SPTBN4: variants seen among roughly 807,000 people sequenced by gnomAD.
The protein encoded by SPTBN4 is spectrin beta chain, non-erythrocytic 4.
In SPTBN4, 96 loss-of-function variants were observed where a neutral mutation model predicts 277.8. The observed-to-expected ratio is 0.35, with a 90% confidence interval of 0.29 to 0.41. The LOEUF (loss-of-function observed/expected upper bound fraction) is 0.41, where lower values mean the gene tolerates loss of function less well. Among genes scored for constraint, SPTBN4 ranks in the 10% least tolerant of loss-of-function variants. The pLI, the probability that SPTBN4 is intolerant of heterozygous loss-of-function variation, is 1.00. For synonymous variants in SPTBN4, 1,481 were observed against 1,580.3 expected (o/e 0.94, Z 1.49); for missense variants, 3,006 against 3,595.7 (o/e 0.84, Z 4.19).
intron 32 of SPTBN4, 65 bp from the exon 33 acceptor site, chr19:40,570,371 C>T: frequency 1.7e-6 from 2 of 1,209,792 alleles, no homozygotes; most frequent in Non-Finnish European, 2.3e-6. Context: ...CCATGACTCC[C>T]CCAAACAGAT....
chr19:40,543,449 C>T (rs894772823), intron 20 of SPTBN4, among the ~76,000 whole-genome samples: 12 of 152,104 alleles, frequency 7.9e-5, no homozygotes, highest in Non-Finnish European at 1.5e-4. Flanking sequence ...CTTCAGGAAG[C>T]TCAGGACCTG....
intron 1 of SPTBN4, among the ~76,000 whole-genome samples, chr19:40,470,781 C>T (rs900909984): frequency 2.0e-5 from 3 of 151,014 alleles, no homozygotes; most frequent in African/African-American, 7.3e-5. Flanking sequence ...TACAGTAGCC[C>T]GAAACCACAC....
At chr19:40,482,695 C>A (rs562983000) in intron 2 of SPTBN4, among the ~76,000 whole-genome samples, 1 of 152,340 alleles carries the variant, frequency 6.6e-6, no homozygotes, top group Non-Finnish European at 1.5e-5. Context: ...GGCGCAGTGG[C>A]TCATGCCTGT....
chr19:40,575,268 C>A, intron 35 of SPTBN4, 143 bp from the exon 36 acceptor site: 1 of 989,712 alleles, frequency 1.0e-6, no homozygotes, highest in Non-Finnish European at 1.5e-6. Context: ...GCACATATTG[C>A]TATGTAACTG....
At chr19:40,565,611 G>A (rs2145950566) in intron 28 of SPTBN4, 50 bp downstream of exon 28, 8 of 1,580,638 alleles carry the variant, frequency 5.1e-6, no homozygotes, top group African/African-American at 1.3e-5. Context: ...ACATTGGGGT[G>A]GAAGCCATTC....
intron 17 of SPTBN4, among the ~76,000 whole-genome samples, chr19:40,525,683 G>T (rs1048060028): frequency 6.6e-6 from 1 of 152,202 alleles, no homozygotes; most frequent in African/African-American, 2.4e-5. Flanking sequence ...TGTACGGAGT[G>T]GGGGTGTGTT....
intron 2 of SPTBN4, among the ~76,000 whole-genome samples, chr19:40,482,246 A>G (rs1024153275): frequency 1.4e-5 from 2 of 145,792 alleles, no homozygotes; most frequent in Non-Finnish European, 3.0e-5. Flanking sequence ...CTGATTTTTA[A>G]TTTTTTATAC....
intron 1 of SPTBN4, among the ~76,000 whole-genome samples, chr19:40,469,411 C>A (rs750818065): frequency 6.8e-6 from 1 of 146,788 alleles, no homozygotes. Context: ...ATTACAGGCA[C>A]CTGCAACCTT....
At chr19:40,549,524 G>A (rs989436301) in intron 21 of SPTBN4, 111 bp downstream of exon 21, 10 of 799,820 alleles carry the variant, frequency 1.3e-5, no homozygotes, top group East Asian at 1.3e-4. Context: ...CCACTCATAC[G>A]CTGAAAGACG....
intron 7 of SPTBN4, among the ~76,000 whole-genome samples, chr19:40,499,029 C>T (rs2080234222): frequency 1.3e-5 from 2 of 151,542 alleles, no homozygotes; most frequent in South Asian, 2.1e-4. Flanking sequence ...TTCTTATGTT[C>T]ATTTATTTAT....
At chr19:40,525,879 G>A (rs1288858809) in intron 17 of SPTBN4, among the ~76,000 whole-genome samples, 2 of 152,334 alleles carry the variant, frequency 1.3e-5, no homozygotes, top group South Asian at 2.1e-4. Flanking sequence ...GGTGGGTGAG[G>A]TGTGGTCACA....
intron 17 of SPTBN4, chr19:40,524,669 A>C (rs1373985391): frequency 4.4e-6 from 2 of 451,552 alleles, no homozygotes; most frequent in Non-Finnish European, 4.4e-6. Flanking sequence ...GTCCCCTGCC[A>C]GGCTGGTTGT....
At chr19:40,489,076 T>TA (rs1367967330) in intron 3 of SPTBN4, among the ~76,000 whole-genome samples, 5 of 151,670 alleles carry the variant, frequency 3.3e-5, no homozygotes, top group Non-Finnish European at 7.4e-5. Flanking sequence ...CGGGCACCTG[T>TA]AGTCCCAGCT....
In SPTBN4 at chr19:40,570,647, C is replaced by G; in HGVS notation, c.7238C>G (p.Pro2413Arg). 6.6e-7 allele frequency: 1 copy of G among 1,521,436 alleles called. No homozygotes were observed. Among genetic ancestry groups the G allele is most frequent in the Non-Finnish European group, 8.8e-7 (1 of 1,137,634 alleles). 94.2% of individuals were successfully genotyped at this position (1,521,436 alleles called of 1,614,324 possible). A position where few individuals can be genotyped will look rare whatever the true frequency, so the allele number is the denominator to read the frequency against. Residue 2413 changes from proline (P) to arginine (R), a missense_variant, in exon 33 of 36, where the codon CCA (proline) becomes CGA (arginine). This residue lies in a region of SPTBN4 where 630 missense variants were observed against 677.6 expected (regional missense o/e 0.93). Transcript: ENST00000598249. Reference sequence around the variant, plus strand: ...GGCGGCTCCGCCCCCGCGCCTCCGCCACCGCCCACTCACACAGTGCAGCAC... The same window carrying G: ...GGCGGCTCCGCCCCCGCGCCTCCGCGACCGCCCACTCACACAGTGCAGCAC... Reference protein sequence around the residue: ...AQGGSAPAPPPPPTHTVQHEG... With the variant: ...AQGGSAPAPPRPPTHTVQHEG...
chr19:40,560,097 G>A lies in SPTBN4; in HGVS notation c.5671-62G>A. Reference sequence around the variant, plus strand: ...GAGGTTCTGCGCTGGAGCAGATGGTGGGAGGGAGGGCACAGCCTGGGCCCC... The same window carrying A: ...GAGGTTCTGCGCTGGAGCAGATGGTAGGAGGGAGGGCACAGCCTGGGCCCC... On this transcript the variant is annotated intron_variant, in intron 26 of 35. Transcript: ENST00000598249. The surrounding 1 kb of genome is among the most constrained non-coding windows in gnomAD (Gnocchi z 5.2). The A allele has an allele frequency of 2.0e-6, 3 of 1,509,242 alleles. No homozygotes were observed. Among genetic ancestry groups the A allele is most frequent in the Non-Finnish European group, 2.6e-6 (3 of 1,134,394 alleles). 93.5% of individuals were successfully genotyped at this position (1,509,242 alleles called of 1,614,324 possible).
Position 40,504,137 on chromosome 19 carries a change from C to CGGGGGGGGGGGGGGGGGGGGGGGG in SPTBN4, c.1665+7_1665+8insGGGGGGGGGGGGGGGGGGGGGGGG. ...GACTGGATGGAGGAGATGCAGGTGCCGGCGGGGGGGCGGGGATGCGGGTGG... is the reference window on the plus strand; with the variant it reads ...GACTGGATGGAGGAGATGCAGGTGCCGGGGGGGGGGGGGGGGGGGGGGGGGGCGGGGGGGCGGGGATGCGGGTGG... On this transcript the variant is annotated splice_donor_region_variant and intron_variant, in intron 12 of 35. Transcript: ENST00000598249. The CGGGGGGGGGGGGGGGGGGGGGGGG allele has an allele frequency of 1.7e-6, 1 of 585,368 alleles. No individual in the cohort carries two copies. Among genetic ancestry groups the CGGGGGGGGGGGGGGGGGGGGGGGG allele is most frequent in the South Asian group, 2.7e-5 (1 of 36,692 alleles). The allele number at this position is 585,368 out of a possible 1,614,324, so 36.3% of individuals were successfully genotyped here.
intron 1 of SPTBN4, among the ~76,000 whole-genome samples, chr19:40,471,905 ATTT>A (rs34333509): frequency 1.5e-3 from 159 of 109,382 alleles, no homozygotes; most frequent in South Asian, 4.3e-3. Context: ...ACATCCAGCT[ATTT>A]TTTTTTTTTT....
chr19:40,472,288 G>T (rs534914701), intron 1 of SPTBN4, among the ~76,000 whole-genome samples: 1 of 151,654 alleles, frequency 6.6e-6, no homozygotes, highest in East Asian at 1.9e-4. Flanking sequence ...CAAGCAATCC[G>T]CCCTCCTCAG....
chr19:40,489,228 A>AAAAAAAGAAAG (rs781378644), intron 3 of SPTBN4, among the ~76,000 whole-genome samples: 3 of 141,682 alleles, frequency 2.1e-5, no homozygotes, highest in Admixed American at 7.1e-5. Flanking sequence ...AAAAAAAAAA[A>AAAAAAAGAAAG]AAAGAAAGAA....
Sources: allele counts gnomAD v4.1 joint callset (sites outside exome capture counted in the v4.1 genomes callset), GRCh38; gene constraint gnomAD v4.1.1; regional missense constraint gnomAD v4.1.1; non-coding constraint Gnocchi (gnomAD v3.1); transcripts MANE v1.5; gene names NCBI Gene and HGNC (gene_info 2026-07-23, HGNC 2026-07-21).